The following WWOX variants were observed in gnomAD, a reference collection of about 807,000 sequenced individuals.
The protein encoded by WWOX is WW domain containing oxidoreductase, also known as WW domain-containing oxidoreductase.
Under a neutral mutation model 46.2 loss-of-function variants are expected in WWOX, and 69 were observed. The ratio of observed to expected loss-of-function variants is 1.49; its 90% CI spans 1.23 to 1.82. The LOEUF is 1.82. Among genes scored for constraint, WWOX ranks in the 40% most tolerant of loss-of-function variants. The pLI, the probability that WWOX is intolerant of heterozygous loss-of-function variation, is 0.00. For synonymous variants in WWOX, 359 were observed against 202.6 expected (o/e 1.77, Z -6.56); for missense variants, 919 against 542.6 (o/e 1.69, Z -6.89).
intron 8 of WWOX, among the ~76,000 whole-genome samples, chr16:78,515,877 C>A (rs1315382027): frequency 6.6e-6 from 1 of 152,188 alleles, no homozygotes; most frequent in East Asian, 1.9e-4. Context: ...GGTAGAAAGA[C>A]ACCTGAAGGT....
intron 8 of WWOX, among the ~76,000 whole-genome samples, chr16:78,862,889 A>G (rs1259338184): frequency 6.6e-6 from 1 of 152,086 alleles, no homozygotes; most frequent in Non-Finnish European, 1.5e-5. Flanking sequence ...AATGTTTAAC[A>G]TAATATCTGG....
At chr16:78,599,590 G>GAC (rs925985211) in intron 8 of WWOX, among the ~76,000 whole-genome samples, 1 of 152,186 alleles carries the variant, frequency 6.6e-6, no homozygotes, top group Non-Finnish European at 1.5e-5. Context: ...AATTGTTCCT[G>GAC]ACACAGTTTG....
At chr16:78,183,821 A>G (rs1158417968) in intron 5 of WWOX, among the ~76,000 whole-genome samples, 1 of 152,026 alleles carries the variant, frequency 6.6e-6, no homozygotes, top group Non-Finnish European at 1.5e-5. Flanking sequence ...CCCTGAGTAG[A>G]TTTGTGTCAT....
At chr16:79,036,229 C>A (rs945892468) in intron 8 of WWOX, among the ~76,000 whole-genome samples, 21 of 152,310 alleles carry the variant, frequency 1.4e-4, no homozygotes, top group African/African-American at 5.1e-4. Flanking sequence ...AGCTTTCTCC[C>A]CACTCTGTCA....
Position 78,734,717 on chromosome 16 carries a change from C to A in WWOX, c.1056+301965C>A, listed in dbSNP as rs148920147. On this transcript the variant is annotated intron_variant, in intron 8 of 8. Coordinates refer to ENST00000566780, the MANE Select transcript of WWOX (RefSeq NM_016373.4). ...AACATTTAAATCAGTCACCTGATTACAGCAGATTGTTCTCAAGTGCCTGAG... is the reference window on the plus strand; with the variant it reads ...AACATTTAAATCAGTCACCTGATTAAAGCAGATTGTTCTCAAGTGCCTGAG... Among the ~76,000 whole-genome samples the A allele has an allele frequency of 3.5e-3, 529 of 152,040 alleles. 4 individuals are homozygous for A. The highest frequency in any genetic ancestry group is 0.017 in the Middle Eastern group (5 of 294).
intron 8 of WWOX, among the ~76,000 whole-genome samples, chr16:78,924,458 A>G (rs1316131839): frequency 6.6e-6 from 1 of 152,210 alleles, no homozygotes; most frequent in African/African-American, 2.4e-5. Context: ...TGGAGTTAAA[A>G]TATCTCACTT....
intron 8 of WWOX, among the ~76,000 whole-genome samples, chr16:78,959,627 G>A (rs141935187): frequency 1.3e-5 from 2 of 152,160 alleles, no homozygotes; most frequent in Non-Finnish European, 2.9e-5. Flanking sequence ...AGGAAGGCCA[G>A]TGTCTTGGTG....
intron 5 of WWOX, among the ~76,000 whole-genome samples, chr16:78,182,082 C>A (rs890185084): frequency 6.6e-6 from 1 of 152,186 alleles, no homozygotes; most frequent in Non-Finnish European, 1.5e-5. Context: ...TGGAATTTAG[C>A]CTTCCCAAGT....
chr16:79,201,343 C>CTTTTTTTTTTT (rs5818210), intron 8 of WWOX, among the ~76,000 whole-genome samples: 2 of 143,616 alleles, frequency 1.4e-5, no homozygotes, highest in Non-Finnish European at 3.0e-5. Context: ...TTTTTCTTTT[C>CTTTTTTTTTTT]TTTTTTTTTT....
intron 8 of WWOX, among the ~76,000 whole-genome samples, chr16:78,794,432 T>C (rs1338055800): frequency 6.6e-6 from 1 of 152,234 alleles, no homozygotes; most frequent in Non-Finnish European, 1.5e-5. Flanking sequence ...GCTTAGATTA[T>C]TTTGTCATAA....
intron 5 of WWOX, among the ~76,000 whole-genome samples, chr16:78,328,666 A>G (rs533336581): frequency 6.6e-6 from 1 of 152,164 alleles, no homozygotes; most frequent in Non-Finnish European, 1.5e-5. Flanking sequence ...AGAGAACAGA[A>G]ATACTCTTGA....
chr16:78,689,322 C>T (rs9935897), intron 8 of WWOX, among the ~76,000 whole-genome samples: 54,750 of 152,046 alleles, frequency 0.36, 10,565 homozygotes, highest in African/African-American at 0.42. Flanking sequence ...TTGCTTAGTC[C>T]TGCTCATGCT....
chr16:78,106,404 C>G (rs1007842157), intron 1 of WWOX, among the ~76,000 whole-genome samples: 3 of 144,862 alleles, frequency 2.1e-5, no homozygotes, highest in Non-Finnish European at 3.0e-5. Flanking sequence ...GCCAGAGAGT[C>G]AGAACGGTTT....
At chr16:78,668,311 C>G (rs1424109085) in intron 8 of WWOX, among the ~76,000 whole-genome samples, 2 of 152,122 alleles carry the variant, frequency 1.3e-5, no homozygotes, top group South Asian at 2.1e-4. Flanking sequence ...TACAACTTAA[C>G]TCTCATACCC....
At chr16:78,421,548 C>T (rs1174732610) in intron 6 of WWOX, among the ~76,000 whole-genome samples, 1 of 152,146 alleles carries the variant, frequency 6.6e-6, no homozygotes, top group Non-Finnish European at 1.5e-5. Context: ...ATTCACAGAT[C>T]CCTACCATTC....
chr16:79,060,671 C>T (rs752789770), intron 8 of WWOX, among the ~76,000 whole-genome samples: 3 of 152,198 alleles, frequency 2.0e-5, no homozygotes, highest in Non-Finnish European at 2.9e-5. Context: ...AACCCAATTA[C>T]GAGCGGAGCT....
At chr16:78,498,899 T>C (rs1396114340) in intron 8 of WWOX, among the ~76,000 whole-genome samples, 2 of 152,146 alleles carry the variant, frequency 1.3e-5, no homozygotes, top group African/African-American at 2.4e-5. Context: ...GGCAACTTCC[T>C]CGATTGTCTC....
chr16:79,016,262 T>A (rs1270845017), intron 8 of WWOX: 1 of 152,198 alleles, frequency 6.6e-6, no homozygotes, highest in Non-Finnish European at 1.5e-5. Context: ...TTTCCTCTCC[T>A]TTGGAATGAA....
chr16:78,596,922 T>C (rs17640520), intron 8 of WWOX, among the ~76,000 whole-genome samples: 13,336 of 152,204 alleles, frequency 0.088, 705 homozygotes, highest in South Asian at 0.24. Flanking sequence ...ACTCTCTTGA[T>C]GCTATCCTCA....
Sources: allele counts gnomAD v4.1 joint callset (sites outside exome capture counted in the v4.1 genomes callset), GRCh38; gene constraint gnomAD v4.1.1; transcripts MANE v1.5; gene names NCBI Gene and HGNC (gene_info 2026-07-23, HGNC 2026-07-21).